The following PCLO variants were observed in gnomAD, a reference collection of about 807,000 sequenced individuals.
PCLO encodes piccolo presynaptic cytomatrix protein.
Under a neutral mutation model 427.5 loss-of-function variants are expected in PCLO, and 82 were observed. That is an observed-to-expected ratio of 0.19 (90% CI 0.16 to 0.23). The LOEUF (loss-of-function observed/expected upper bound fraction) is 0.23. PCLO is among the 10% of genes least tolerant of loss of function. PCLO has a pLI of 1.00. For synonymous variants in PCLO, 2,357 were observed against 2,155.4 expected (o/e 1.09, Z -2.59); for missense variants, 6,239 against 6,115.9 (o/e 1.02, Z -0.67).
chr7:83,003,260 C>T (rs1471105778), intron 3 of PCLO, among the ~76,000 whole-genome samples: 1 of 151,196 alleles, frequency 6.6e-6, no homozygotes, highest in African/African-American at 2.4e-5. Flanking sequence ...ATATTATATA[C>T]TAATATTTTA....
At chr7:83,125,126 T>G (rs989419764) in intron 3 of PCLO, among the ~76,000 whole-genome samples, 13 of 152,142 alleles carry the variant, frequency 8.5e-5, no homozygotes, top group Non-Finnish European at 1.6e-4. Context: ...CCCAGCCGCC[T>G]GCCTTGGCCT....
chr7:82,846,174 A>T (rs1331291921), intron 12 of PCLO, among the ~76,000 whole-genome samples: 1 of 152,048 alleles, frequency 6.6e-6, no homozygotes, highest in East Asian at 1.9e-4. Context: ...TTCAGGAATA[A>T]TTTTTTCAAA....
At chr7:83,124,823 T>C (rs962292380) in intron 3 of PCLO, among the ~76,000 whole-genome samples, 1 of 152,164 alleles carries the variant, frequency 6.6e-6, no homozygotes, top group Non-Finnish European at 1.5e-5. Flanking sequence ...TGGACTGTAC[T>C]GCTGCGATCT....
chr7:82,907,902 T>TA (rs1452562205), intron 8 of PCLO, among the ~76,000 whole-genome samples: 6 of 152,016 alleles, frequency 3.9e-5, no homozygotes, highest in African/African-American at 1.4e-4. Flanking sequence ...AGACAGTACT[T>TA]ATAAATGTCA....
intron 13 of PCLO, among the ~76,000 whole-genome samples, chr7:82,844,882 A>G (rs1331678853): frequency 1.3e-5 from 2 of 152,146 alleles, no homozygotes; most frequent in Non-Finnish European, 2.9e-5. Context: ...TTTCTTTATC[A>G]CTGTGTCCTT....
chr7:83,001,501 T>TAAAA (rs1031573165), intron 3 of PCLO, among the ~76,000 whole-genome samples: 4 of 99,988 alleles, frequency 4.0e-5, no homozygotes, highest in South Asian at 7.3e-4. Flanking sequence ...CTAACACACA[T>TAAAA]ACAAACACAC....
intron 6 of PCLO, among the ~76,000 whole-genome samples, chr7:82,943,078 T>C (rs1795121730): frequency 6.6e-6 from 1 of 152,126 alleles, no homozygotes; most frequent in Non-Finnish European, 1.5e-5. Flanking sequence ...AATTTCTCAA[T>C]TTAGGTTATG....
chr7:83,144,315 G>C (rs1161528741), intron 2 of PCLO, among the ~76,000 whole-genome samples: 2 of 152,138 alleles, frequency 1.3e-5, no homozygotes, highest in African/African-American at 4.8e-5. Context: ...CAGCTACTCA[G>C]GAGGCTGAGG....
chr7:83,000,738 G>C (rs760050168), intron 3 of PCLO, among the ~76,000 whole-genome samples: 1 of 151,996 alleles, frequency 6.6e-6, no homozygotes, highest in African/African-American at 2.4e-5. Context: ...AGGGGTTGAC[G>C]ACCTCAGCTT....
At chr7:83,159,359 A>C (rs1233487744) in intron 1 of PCLO, among the ~76,000 whole-genome samples, 2 of 152,130 alleles carry the variant, frequency 1.3e-5, no homozygotes, top group Non-Finnish European at 2.9e-5. Flanking sequence ...ATTCTTATTA[A>C]ATATTCTACT....
At chr7:82,914,491 A>T (rs1319382356) in intron 7 of PCLO, 195 bp downstream of exon 7, 2 of 658,826 alleles carry the variant, frequency 3.0e-6, no homozygotes, top group Non-Finnish European at 5.4e-6. Flanking sequence ...ATAAAGTAAA[A>T]CTAAATAAAG....
Position 83,063,115 on chromosome 7 carries a change from A to G in PCLO, c.3300+71135T>C, listed in dbSNP as rs183499293. ...TTTTATTTCCATTTTTGAGAGGAAG[A>G]AACTAAGTAAAATAATTACCAAGGA... On this transcript the variant is annotated intron_variant, in intron 3 of 24. Transcript: ENST00000333891. 4.1e-4 allele frequency among the ~76,000 whole-genome samples: 63 copies of G among 152,220 alleles called. No individual in the cohort carries two copies. In the East Asian group the frequency reaches 0.01, roughly 25 times the overall value.
intron 3 of PCLO, among the ~76,000 whole-genome samples, chr7:83,031,398 A>G (rs904994636): frequency 1.3e-5 from 2 of 152,168 alleles, no homozygotes; most frequent in African/African-American, 4.8e-5. Context: ...AAATTATATC[A>G]AATATCTTGG....
chr7:82,995,135 T>C (rs1227802820), intron 3 of PCLO, among the ~76,000 whole-genome samples: 2 of 151,996 alleles, frequency 1.3e-5, no homozygotes, highest in Non-Finnish European at 2.9e-5. Flanking sequence ...GAATACATGA[T>C]GTGTTAAGCC....
At chr7:82,807,457 T>G (rs1791477897) in intron 20 of PCLO, among the ~76,000 whole-genome samples, 1 of 152,100 alleles carries the variant, frequency 6.6e-6, no homozygotes, top group Admixed American at 6.6e-5. Context: ...AAAAACACAA[T>G]TATTCTTAAT....
At chr7:82,895,604 A>G (rs1398838559) in intron 9 of PCLO, among the ~76,000 whole-genome samples, 1 of 152,094 alleles carries the variant, frequency 6.6e-6, no homozygotes, top group Non-Finnish European at 1.5e-5. Flanking sequence ...AATTGAAGAC[A>G]CTATAATAAA....
chr7:82,794,901 T>G (rs1358214305), intron 22 of PCLO, among the ~76,000 whole-genome samples: 2 of 152,202 alleles, frequency 1.3e-5, no homozygotes, highest in Non-Finnish European at 2.9e-5. Flanking sequence ...ATCTTATTTA[T>G]CATTTGCTCA....
rs893822768 is a variant in PCLO at position 82,976,922 on chromosome 7, G to A, written c.3301-10435C>T. 4.6e-5 allele frequency among the ~76,000 whole-genome samples: 7 copies of A among 152,044 alleles called. No homozygotes were observed. In the South Asian group the frequency reaches 6.2e-4, roughly 14 times the overall value. On this transcript the variant is annotated intron_variant, in intron 3 of 24. Coordinates refer to ENST00000333891, the MANE Select transcript of PCLO (RefSeq NM_033026.6). ...ATCATTTTTGTAGAGATAGGATCTCGCTACGTTGCCTGGTCTCAAACTCCT... is the reference window on the plus strand; with the variant it reads ...ATCATTTTTGTAGAGATAGGATCTCACTACGTTGCCTGGTCTCAAACTCCT...
At chr7:83,101,984 T>C (rs1409106929) in intron 3 of PCLO, among the ~76,000 whole-genome samples, 1 of 152,054 alleles carries the variant, frequency 6.6e-6, no homozygotes, top group African/African-American at 2.4e-5. Flanking sequence ...AGCAAAAAAG[T>C]AGATCTAAGA....
Sources: gnomAD v4.1 joint callset for allele counts (sites outside exome capture counted in the v4.1 genomes callset) on GRCh38, gnomAD v4.1.1 for gene constraint, MANE v1.5 for transcripts, NCBI Gene and HGNC (gene_info 2026-07-23, HGNC 2026-07-21) for gene names.